THAP10: variants seen among roughly 807,000 people sequenced by gnomAD.
THAP10 encodes THAP domain-containing protein 10.
THAP10 carries 10 observed loss-of-function variants against 15.7 expected under a neutral mutation model. The ratio of observed to expected loss-of-function variants is 0.64; its 90% confidence interval spans 0.39 to 1.08. THAP10 has a LOEUF of 1.08. Ranked by LOEUF, THAP10 falls within the 50% of genes least tolerant of loss-of-function variation. The pLI is 0.01. For synonymous variants in THAP10, 127 were observed against 129.1 expected (o/e 0.98, Z 0.11); for missense variants, 310 against 330.9 (o/e 0.94, Z 0.49).
At chr15:70,887,026 T>TA (rs1260318533) in intron 1 of THAP10, among the ~76,000 whole-genome samples, 1 of 152,062 alleles carries the variant, frequency 6.6e-6, no homozygotes, top group Non-Finnish European at 1.5e-5. Flanking sequence ...ACAGACAAAT[T>TA]AAAAAATACT....
chr15:70,882,974 T>G, intron 1 of THAP10, 66 bp from the exon 2 acceptor site: 1 of 1,544,998 alleles, frequency 6.5e-7, no homozygotes, highest in Non-Finnish European at 8.8e-7. Context: ...CTTTCAAAAG[T>G]TACAAGTAGT....
rs756090660 is a variant in THAP10, at chr15:70,892,181, A to G, written c.92T>C (p.Leu31Pro). 4 of 1,610,674 alleles carry G rather than the reference A, an allele frequency of 2.5e-6. No homozygotes were observed. The Admixed American group carries it at 6.7e-5, about 27-fold the overall frequency. Residue 31 changes from leucine to proline, a missense_variant, in exon 1 of 3, where the codon CTG becomes CCG. Transcript: ENST00000249861. The part of the protein sequence containing the change: ...FRFPKDRAVR[L>P]LWDRFVRGCR... ...ACCCCGCACGAAGCGGTCCCAGAGC[A>G]GCCGCACGGCCCGGTCCTTGGGAAA...
chr15:70,882,405 G>T lies in THAP10; in HGVS notation c.*49C>A. 1 of 1,377,922 alleles carries T rather than the reference G, an allele frequency of 7.3e-7. No individual in the cohort carries two copies. The highest frequency in any genetic ancestry group is 1.0e-6 in the Non-Finnish European group (1 of 990,580). The allele number at this position is 1,377,922 out of a possible 1,614,324, so 85.4% of individuals were successfully genotyped here. A position where few individuals can be genotyped will look rare whatever the true frequency, so the allele number is the denominator to read the frequency against. On this transcript the variant is annotated 3_prime_UTR_variant, in exon 3 of 3. Transcript: ENST00000249861. ...CAATAGCAAAGAGATAATTATGTGAGTAAAGATTTGAAAATCTATAGCACA... is the reference window on the plus strand; with the variant it reads ...CAATAGCAAAGAGATAATTATGTGATTAAAGATTTGAAAATCTATAGCACA...
rs2033270060 is a variant in THAP10 at position 70,881,786 on chromosome 15, G to A, written c.*668C>T. On this transcript the variant is annotated 3_prime_UTR_variant, in exon 3 of 3. Coordinates refer to ENST00000249861, the MANE Select transcript of THAP10 (RefSeq NM_020147.4). The stretch of plus-strand genomic sequence containing the variant: ...CTAAATTAATCAAGCTAATTAATGT[G>A]TCGCAGTAAGCACTGATGCAAACAG... 6.6e-6 allele frequency: 1 copy of A among 152,168 alleles called. No individual in the cohort carries two copies. The highest frequency in any genetic ancestry group is 2.4e-5 in the African/African-American group (1 of 41,458). The allele number at this position is 152,168 out of a possible 1,614,324, so 9.4% of individuals were successfully genotyped here.
chr15:70,888,745 A>T (rs975149497), intron 1 of THAP10, among the ~76,000 whole-genome samples: 9 of 152,206 alleles, frequency 5.9e-5, no homozygotes, highest in Non-Finnish European at 1.3e-4. Flanking sequence ...ATCTATTAAA[A>T]ATTCTAAATC....
chr15:70,892,310 GA>G lies in THAP10; in HGVS notation c.-39del, dbSNP rs1269745086. The G allele has an allele frequency of 5.2e-6, 8 of 1,550,530 alleles. No homozygotes were observed. Among genetic ancestry groups the G allele is most frequent in the Non-Finnish European group, 4.4e-6 (5 of 1,147,176 alleles). ...CGGTGCGCGGGAGCCGGGTTCCCTG[GA>G]CCTTCGCCCTTGGGCACGCTCCTCG... On this transcript the variant is annotated 5_prime_UTR_variant, in exon 1 of 3. Coordinates refer to ENST00000249861, the MANE Select transcript of THAP10 (RefSeq NM_020147.4).
At chr15:70,887,992 T>C (rs1012572190) in intron 1 of THAP10, among the ~76,000 whole-genome samples, 7 of 152,152 alleles carry the variant, frequency 4.6e-5, no homozygotes, top group African/African-American at 1.7e-4. Context: ...GAAAGATATG[T>C]AAGACCTCTA....
In THAP10 at chr15:70,892,194, G is replaced by A. The variant is rs146694903; in HGVS notation, c.79C>T (p.Arg27Trp). ...GKSLFRFPKD[R>W]AVRLLWDRFV... ...CGGTCCCAGAGCAGCCGCACGGCCC[G>A]GTCCTTGGGAAAGCGGAACAGCGAC... The change falls in exon 1 of 3, where the codon CGG (arginine) becomes TGG (tryptophan). Residue 27 changes from arginine to tryptophan, a missense_variant. By Grantham distance (101) the Arg-to-Trp change is moderately radical. Transcript: ENST00000249861. 2.6e-4 allele frequency: 412 copies of A among 1,607,666 alleles called. 5 individuals are homozygous for A. The highest frequency in any genetic ancestry group is 1.3e-3 in the Middle Eastern group (8 of 6,046).
intron 1 of THAP10, among the ~76,000 whole-genome samples, chr15:70,891,571 G>C (rs960798319): frequency 8.1e-5 from 2 of 24,774 alleles, no homozygotes; most frequent in Admixed American, 3.0e-4. Context: ...AAGACTCTGT[G>C]TGTGTGTGTG....
In THAP10 at chr15:70,882,844, G is replaced by A. The variant is rs1417375065; in HGVS notation, c.494C>T (p.Thr165Ile). ...TTCTTCACAGTGAGTAGGTACTGAA[G>A]TGACAGTATTAGATGGATTATCAGC... The part of the protein sequence containing the change: ...PHADNPSNTV[T>I]SVPTHCEEGP... Residue 165 changes from threonine to isoleucine, a missense_variant, in exon 2 of 3, where the codon ACT becomes ATT. Physicochemically the swap from Thr to Ile is moderately conservative, Grantham distance 89. Transcript: ENST00000249861. The A allele has an allele frequency of 2.5e-6, 4 of 1,614,008 alleles. No homozygotes were observed. The highest frequency in any genetic ancestry group is 1.1e-5 in the South Asian group (1 of 91,084).
intron 1 of THAP10, among the ~76,000 whole-genome samples, chr15:70,891,078 G>A (rs752154747): frequency 6.6e-5 from 10 of 152,094 alleles, no homozygotes; most frequent in Non-Finnish European, 1.0e-4. Flanking sequence ...AGACCCCTGA[G>A]GAAATTACTA....
intron 1 of THAP10, among the ~76,000 whole-genome samples, chr15:70,883,243 G>A (rs1434548582): frequency 1.3e-5 from 2 of 151,336 alleles, no homozygotes; most frequent in Non-Finnish European, 2.9e-5. Flanking sequence ...CCAAGCTGGA[G>A]CGCAATGGTG....
chr15:70,892,350 G>A lies in THAP10; in HGVS notation c.-78C>T. On this transcript the variant is annotated 5_prime_UTR_variant, in exon 1 of 3. Transcript: ENST00000249861. The stretch of plus-strand genomic sequence containing the variant: ...GCACGCTCCTCGCAGCGGCCTCGGC[G>A]AGGCAAGTCCTCCCCTCCTCACCTG... 1.3e-6 allele frequency: 2 copies of A among 1,548,566 alleles called. No individual in the cohort carries two copies. Among genetic ancestry groups the A allele is most frequent in the Non-Finnish European group, 8.7e-7 (1 of 1,146,766 alleles).
chr15:70,882,700 A>C, intron 2 of THAP10, 50 bp from the exon 3 acceptor site: 1 of 1,611,188 alleles, frequency 6.2e-7, no homozygotes, highest in Non-Finnish European at 8.5e-7. Flanking sequence ...TGCTTTTCAT[A>C]TATCTTTAAT....
chr15:70,892,319 C>G lies in THAP10; in HGVS notation c.-47G>C. 6.5e-7 allele frequency: 1 copy of G among 1,550,082 alleles called. No individual in the cohort carries two copies. Among genetic ancestry groups the G allele is most frequent in the Non-Finnish European group, 8.7e-7 (1 of 1,146,992 alleles). ...GGAGCCGGGTTCCCTGGACCTTCGC[C>G]CTTGGGCACGCTCCTCGCAGCGGCC... is the stretch of plus-strand genomic sequence containing the variant. On this transcript the variant is annotated 5_prime_UTR_variant, in exon 1 of 3. Transcript: ENST00000249861.
chr15:70,882,692 C>G (rs777413231), intron 2 of THAP10, 42 bp from the exon 3 acceptor site: 1 of 1,610,988 alleles, frequency 6.2e-7, no homozygotes, highest in Non-Finnish European at 8.5e-7. Flanking sequence ...TTAGACTTTG[C>G]TTTTCATATA....
At chr15:70,890,899 A>C (rs1045579569) in intron 1 of THAP10, among the ~76,000 whole-genome samples, 1 of 152,126 alleles carries the variant, frequency 6.6e-6, no homozygotes, top group Admixed American at 6.5e-5. Flanking sequence ...TGTGGTATGC[A>C]GGGGGAAAAA....
chr15:70,889,372 A>C (rs1567036719), intron 1 of THAP10, among the ~76,000 whole-genome samples: 1 of 152,108 alleles, frequency 6.6e-6, no homozygotes, highest in Non-Finnish European at 1.5e-5. Flanking sequence ...CCCCCCAAAA[A>C]AAAGCAAACT....
At chr15:70,891,565 CTCTGTGTGTGTGTGTG>C in intron 1 of THAP10, among the ~76,000 whole-genome samples, 1 of 118,954 alleles carries the variant, frequency 8.4e-6, no homozygotes, top group Non-Finnish European at 1.8e-5. Context: ...CAGGACAAGA[CTCTGTGTGTGTGTGTG>C]TGTGTGTGTG....
Sources: allele counts gnomAD v4.1 joint callset (sites outside exome capture counted in the v4.1 genomes callset), GRCh38; gene constraint gnomAD v4.1.1; transcripts MANE v1.5; gene names NCBI Gene and HGNC (gene_info 2026-07-23, HGNC 2026-07-21).